Variants in NRXN2 observed in about 807,000 individuals in gnomAD.
NRXN2 encodes neurexin-2-beta.
A neutral mutation model predicts 128.8 loss-of-function variants in NRXN2; 29 were observed. The ratio of observed to expected loss-of-function variants is 0.23; its 90% CI spans 0.17 to 0.31. The LOEUF (loss-of-function observed/expected upper bound fraction) is 0.31. NRXN2 is among the 10% of genes least tolerant of loss of function. The pLI is 1.00. For synonymous variants in NRXN2, 1,098 were observed against 1,075.2 expected (o/e 1.02, Z -0.41); for missense variants, 1,881 against 2,452.6 (o/e 0.77, Z 4.92).
At chr11:64,628,220 T>C (rs775553980) in intron 19 of NRXN2, among the ~76,000 whole-genome samples, 1 of 152,210 alleles carries the variant, frequency 6.6e-6, no homozygotes, top group Non-Finnish European at 1.5e-5. Context: ...GAGGTAGGTA[T>C]CATCACCTTT....
intron 20 of NRXN2, among the ~76,000 whole-genome samples, chr11:64,625,129 A>T (rs189159907): frequency 7.4e-4 from 112 of 152,314 alleles, no homozygotes; most frequent in African/African-American, 2.5e-3. Context: ...GGCAAAAAGG[A>T]AGGAGGGCCC....
At position 64,648,402 on chromosome 11, in the gene NRXN2, G is replaced by A. The variant is rs1591783985; in HGVS notation, c.3284-64C>T. The A allele has an allele frequency of 5.6e-6, 9 of 1,612,328 alleles. No individual in the cohort carries two copies. Among genetic ancestry groups the A allele is most frequent in the Admixed American group, 3.3e-5 (2 of 59,998 alleles). ...CAAGCCCCCTCTTTCCCCAGGAGGT[G>A]TGGAAGCTTCAGAGCCAGGCAGAGA... On this transcript the variant is annotated intron_variant, in intron 16 of 22. Transcript: ENST00000265459. This position sits in a 1 kb window ranked among gnomAD's most constrained non-coding sequence, Gnocchi z 4.1.
intron 5 of NRXN2, 27 bp from the exon 6 acceptor site, chr11:64,685,974 G>A (rs763049240): frequency 6.2e-7 from 1 of 1,613,788 alleles, no homozygotes; most frequent in South Asian, 1.1e-5. Flanking sequence ...GGGGAAACGG[G>A]AGAAGGCTGA....
intron 9 of NRXN2, among the ~76,000 whole-genome samples, chr11:64,663,336 C>T (rs1299902627): frequency 2.6e-5 from 4 of 151,068 alleles, no homozygotes; most frequent in Admixed American, 1.3e-4. Context: ...CACTACACTC[C>T]AGCCTGGCAG....
chr11:64,713,558 C>G lies in NRXN2; in HGVS notation c.142G>C (p.Ala48Pro). 1 of 1,417,470 alleles carries G rather than the reference C, an allele frequency of 7.1e-7. No individual in the cohort carries two copies. The highest frequency in any genetic ancestry group is 9.2e-7 in the Non-Finnish European group (1 of 1,084,394). The allele number at this position is 1,417,470 out of a possible 1,614,324, so 87.8% of individuals were successfully genotyped here. ...CTGAAGCTGAGCTCGCCGCTGCTCG[C>G]CGCGCCCGCCCAGCGCGCGTAGCGA... is the stretch of plus-strand genomic sequence containing the variant. ...WARYARWAGA[A>P]SSGELSFSLR... The change falls in exon 2 of 23, where the codon GCG becomes CCG. Residue 48 changes from alanine to proline, a missense_variant. Physicochemically the swap from Ala to Pro is conservative, Grantham distance 27. This residue lies in a region of NRXN2 where 997 missense variants were observed against 1,240.8 expected (regional missense o/e 0.80). Coordinates refer to ENST00000265459, the MANE Select transcript of NRXN2 (RefSeq NM_015080.4).
intron 7 of NRXN2, among the ~76,000 whole-genome samples, chr11:64,673,922 A>C (rs1330152141): frequency 6.6e-6 from 1 of 151,830 alleles, no homozygotes; most frequent in African/African-American, 2.4e-5. Context: ...CCTGTAGTCT[A>C]AGCTACTCAG....
Position 64,713,223 on chromosome 11 carries a change from C to T in NRXN2, c.477G>A (p.Val159=). 6.8e-7 allele frequency: 1 copy of T among 1,466,754 alleles called. No homozygotes were observed. Among genetic ancestry groups the T allele is most frequent in the Non-Finnish European group, 9.0e-7 (1 of 1,113,062 alleles). The allele number at this position is 1,466,754 out of a possible 1,614,324, so 90.9% of individuals were successfully genotyped here. A position where few individuals can be genotyped will look rare whatever the true frequency, so the allele number is the denominator to read the frequency against. ...DLFVGGIPPD[V]RLSALTLSTV... is the part of the protein sequence containing the mutation. ...TGCTCAGCGTAAGCGCCGAGAGGCG[C>T]ACGTCGGGCGGGATGCCGCCCACGA... The change falls in exon 2 of 23, where the codon GTG becomes GTA. Residue 159 remains valine, a synonymous_variant. Transcript: ENST00000265459.
At chr11:64,692,950 A>G (rs2054025666) in intron 3 of NRXN2, 74 bp from the exon 4 acceptor site, 7 of 1,297,662 alleles carry the variant, frequency 5.4e-6, no homozygotes, top group African/African-American at 3.0e-5. Flanking sequence ...GGAAAGAAAC[A>G]AAGAAAACAC....
intron 2 of NRXN2, among the ~76,000 whole-genome samples, chr11:64,705,624 T>TAC (rs1265340671): frequency 6.6e-6 from 1 of 151,778 alleles, no homozygotes; most frequent in Admixed American, 6.6e-5. Context: ...ATACTATCTC[T>TAC]ACACACACAC....
At position 64,714,373 on chromosome 11, in the gene NRXN2, C is replaced by T. The variant is rs934303037; in HGVS notation, c.-244-430G>A. The stretch of plus-strand genomic sequence containing the variant: ...CTGGCTCCCACCTCCAGCCACTGTT[C>T]CTCTCATCAGCTCTTGATACTGGAT... On this transcript the variant is annotated intron_variant, in intron 1 of 22. Coordinates refer to ENST00000265459, the MANE Select transcript of NRXN2 (RefSeq NM_015080.4). The surrounding 1 kb of genome is among the most constrained non-coding windows in gnomAD (Gnocchi z 4.5). Among the ~76,000 whole-genome samples, 13 of 152,122 alleles carry T rather than the reference C, an allele frequency of 8.5e-5. No individual in the cohort carries two copies. The highest frequency in any genetic ancestry group is 8.5e-4 in the Admixed American group (13 of 15,272).
At chr11:64,679,487 A>G (rs553934367) in intron 6 of NRXN2, among the ~76,000 whole-genome samples, 1 of 151,998 alleles carries the variant, frequency 6.6e-6, no homozygotes, top group Non-Finnish European at 1.5e-5. Context: ...AATACAAAAA[A>G]TTAGCCAGGC....
chr11:64,708,701 G>A (rs1316490898), intron 2 of NRXN2, among the ~76,000 whole-genome samples: 2 of 152,200 alleles, frequency 1.3e-5, no homozygotes, highest in Non-Finnish European at 2.9e-5. Context: ...ACATCTGAAG[G>A]CAGATTGAAA....
intron 17 of NRXN2, chr11:64,637,392 C>T (rs903453709): frequency 6.6e-6 from 1 of 152,310 alleles, no homozygotes; most frequent in African/African-American, 2.4e-5. Context: ...CCACCCCCAC[C>T]CCATGTGGTC....
intron 4 of NRXN2, 140 bp from the exon 5 acceptor site, chr11:64,690,616 C>T: frequency 1.3e-6 from 1 of 751,578 alleles, no homozygotes; most frequent in African/African-American, 1.7e-5. Context: ...TGGGGACTCC[C>T]TTGCCTTCAA....
At chr11:64,671,577 A>C (rs1683383175) in intron 7 of NRXN2, among the ~76,000 whole-genome samples, 1 of 151,986 alleles carries the variant, frequency 6.6e-6, no homozygotes, top group African/African-American at 2.4e-5. Context: ...CAGAACAGCC[A>C]CTGCAGCTGG....
At position 64,607,970 on chromosome 11, in the gene NRXN2, T is replaced by C. The variant is rs763716188; in HGVS notation, c.4365A>G (p.Gly1455=). Reference sequence around the variant, plus strand: ...GCAGCGTGTCTTGGGTGGCGCCCACTCCCGTGAGGAAGGGGTAGAAGGTAG... The same window carrying C: ...GCAGCGTGTCTTGGGTGGCGCCCACCCCCGTGAGGAAGGGGTAGAAGGTAG... ...PPPTFYPFLT[G]VGATQDTLPP... is the part of the protein sequence containing the mutation. Residue 1455 remains glycine, a synonymous_variant, in exon 23 of 23, where the codon GGA becomes GGG. Transcript: ENST00000265459. 1.3e-5 allele frequency: 17 copies of C among 1,289,100 alleles called. No homozygotes were observed. Among genetic ancestry groups the C allele is most frequent in the Non-Finnish European group, 1.6e-5 (16 of 989,438 alleles). 79.9% of individuals were successfully genotyped at this position (1,289,100 alleles called of 1,614,324 possible).
intron 9 of NRXN2, among the ~76,000 whole-genome samples, chr11:64,665,473 A>G (rs2049713102): frequency 6.6e-6 from 1 of 152,192 alleles, no homozygotes; most frequent in Non-Finnish European, 1.5e-5. Flanking sequence ...CAGACGTCCA[A>G]CCTAGAGTGT....
At chr11:64,684,290 C>A (rs2052705656) in intron 6 of NRXN2, among the ~76,000 whole-genome samples, 1 of 152,142 alleles carries the variant, frequency 6.6e-6, no homozygotes, top group Non-Finnish European at 1.5e-5. Context: ...CTGAAACTGT[C>A]ACAAATGCAC....
chr11:64,630,776 C>G lies in NRXN2; in HGVS notation c.3586-203G>C, dbSNP rs1259622735. On this transcript the variant is annotated intron_variant, in intron 18 of 22. Transcript: ENST00000265459. This position sits in a 1 kb window ranked among gnomAD's most constrained non-coding sequence, Gnocchi z 4.6. Reference sequence around the variant, plus strand: ...CTTGAGGCCGGAGGTGCGTGCAGAGCCTGGGCCCAGAGCGCCTTCCACTAA... The same window carrying G: ...CTTGAGGCCGGAGGTGCGTGCAGAGGCTGGGCCCAGAGCGCCTTCCACTAA... Among the ~76,000 whole-genome samples, 1 of 152,228 alleles carries G rather than the reference C, an allele frequency of 6.6e-6. No individual in the cohort carries two copies. Among genetic ancestry groups the G allele is most frequent in the Non-Finnish European group, 1.5e-5 (1 of 68,028 alleles).
Sources: allele counts gnomAD v4.1 joint callset (sites outside exome capture counted in the v4.1 genomes callset), GRCh38; gene constraint gnomAD v4.1.1; regional missense constraint gnomAD v4.1.1; non-coding constraint Gnocchi (gnomAD v3.1); transcripts MANE v1.5; gene names NCBI Gene and HGNC (gene_info 2026-07-23, HGNC 2026-07-21).